NOL4: variants seen among roughly 807,000 people sequenced by gnomAD.
The protein encoded by NOL4 is nucleolar protein 4.
A neutral mutation model predicts 75.9 loss-of-function variants in NOL4; 17 were observed. The observed-to-expected ratio is 0.22, with a 90% CI of 0.15 to 0.34. NOL4 has a LOEUF of 0.34. NOL4 is among the 10% of genes least tolerant of loss of function. The probability of loss-of-function intolerance (pLI) is 1.00; values close to 1 mark genes in which losing one functional copy is unlikely to be tolerated. For missense variants in NOL4, 614 were observed against 793.5 expected (o/e 0.77, Z 2.72); for synonymous variants, 292 against 289.9 (o/e 1.01, Z -0.07).
intron 9 of NOL4, among the ~76,000 whole-genome samples, chr18:33,899,389 T>C (rs1038571135): frequency 6.6e-6 from 1 of 152,152 alleles, no homozygotes; most frequent in East Asian, 1.9e-4. Context: ...TGAAATAAAG[T>C]TGTCTACCTT....
chr18:33,900,708 A>T (rs1280519107), intron 9 of NOL4, among the ~76,000 whole-genome samples: 1 of 152,184 alleles, frequency 6.6e-6, no homozygotes, highest in Non-Finnish European at 1.5e-5. Context: ...CAGATTATCT[A>T]CTGGGGAAAA....
intron 5 of NOL4, among the ~76,000 whole-genome samples, chr18:34,024,194 A>AAAAATATATAT: frequency 7.1e-5 from 5 of 70,686 alleles, no homozygotes; most frequent in Non-Finnish European, 1.3e-4. Flanking sequence ...AAAAAAAAAA[A>AAAAATATATAT]ATATATATAT....
chr18:34,070,327 C>CT (rs767094594), intron 5 of NOL4, among the ~76,000 whole-genome samples: 4 of 152,138 alleles, frequency 2.6e-5, no homozygotes, highest in Admixed American at 6.5e-5. Flanking sequence ...CCCGCCTTGC[C>CT]TTTTTTACAC....
intron 9 of NOL4, among the ~76,000 whole-genome samples, chr18:33,939,363 T>G (rs187193523): frequency 3.2e-4 from 49 of 152,144 alleles, no homozygotes; most frequent in Non-Finnish European, 5.9e-5. Flanking sequence ...TAAATTACTT[T>G]GGGCAGTATG....
intron 9 of NOL4, among the ~76,000 whole-genome samples, chr18:33,922,559 G>C (rs1055526929): frequency 1.1e-4 from 17 of 152,188 alleles, no homozygotes; most frequent in Non-Finnish European, 1.8e-4. Flanking sequence ...GTATTACAGA[G>C]ACCTTTAGTC....
intron 6 of NOL4, 99 bp from the exon 7 acceptor site, chr18:33,958,517 T>C (rs1311544940): frequency 1.9e-6 from 2 of 1,079,276 alleles, no homozygotes; most frequent in Non-Finnish European, 2.6e-6. Context: ...AAAAATCTTG[T>C]TTATGAGTTG....
intron 9 of NOL4, among the ~76,000 whole-genome samples, chr18:33,908,936 A>C (rs1280016182): frequency 6.6e-6 from 1 of 152,142 alleles, no homozygotes; most frequent in African/African-American, 2.4e-5. Flanking sequence ...AGCCCTATAA[A>C]GTGTTCTGAT....
chr18:34,214,739 A>G (rs2036759981), intron 1 of NOL4, among the ~76,000 whole-genome samples: 1 of 152,308 alleles, frequency 6.6e-6, no homozygotes, highest in South Asian at 2.1e-4. Flanking sequence ...ACTACTCACA[A>G]TAAAAGAAGT....
intron 5 of NOL4, among the ~76,000 whole-genome samples, chr18:34,021,639 T>TG (rs149814771): frequency 0.012 from 1,777 of 152,158 alleles, 32 homozygotes; most frequent in African/African-American, 0.04. Flanking sequence ...AAATGGAAGT[T>TG]GGGGAGACCA....
At chr18:33,866,361 T>A (rs1047000510) in intron 10 of NOL4, among the ~76,000 whole-genome samples, 3 of 152,178 alleles carry the variant, frequency 2.0e-5, no homozygotes, top group Non-Finnish European at 4.4e-5. Context: ...CATTTGTGTT[T>A]TATTTCATTT....
intron 6 of NOL4, among the ~76,000 whole-genome samples, chr18:33,999,796 C>A (rs1316266413): frequency 6.6e-6 from 1 of 152,022 alleles, no homozygotes; most frequent in African/African-American, 2.4e-5. Flanking sequence ...GAACTACAGG[C>A]ATGTACCACT....
At chr18:34,169,480 A>C (rs1472106234) in intron 1 of NOL4, among the ~76,000 whole-genome samples, 2 of 151,628 alleles carry the variant, frequency 1.3e-5, no homozygotes, top group East Asian at 3.9e-4. Flanking sequence ...AAAAAAAAAA[A>C]CAGCAAGATG....
intron 9 of NOL4, among the ~76,000 whole-genome samples, chr18:33,908,189 A>G (rs189166031): frequency 1.3e-5 from 2 of 152,302 alleles, no homozygotes; most frequent in East Asian, 1.9e-4. Flanking sequence ...CTCACTACTG[A>G]CTTAAGAAAA....
At chr18:33,966,980 T>C (rs1470291514) in intron 6 of NOL4, among the ~76,000 whole-genome samples, 1 of 152,140 alleles carries the variant, frequency 6.6e-6, no homozygotes, top group East Asian at 1.9e-4. Context: ...ATAAATCTAT[T>C]CTAAAATTCA....
chr18:34,210,376 T>C (rs987555942), intron 1 of NOL4, among the ~76,000 whole-genome samples: 5 of 152,242 alleles, frequency 3.3e-5, no homozygotes, highest in Admixed American at 6.5e-5. Flanking sequence ...CTCACCCTTA[T>C]TTTGAGTCTT....
intron 1 of NOL4, among the ~76,000 whole-genome samples, chr18:34,146,440 C>A (rs951394864): frequency 6.6e-6 from 1 of 152,046 alleles, no homozygotes; most frequent in Non-Finnish European, 1.5e-5. Context: ...CAGTTTTCTG[C>A]AATGGCTAGC....
intron 2 of NOL4, among the ~76,000 whole-genome samples, chr18:34,121,861 T>C (rs1389507916): frequency 6.6e-6 from 1 of 152,130 alleles, no homozygotes; most frequent in African/African-American, 2.4e-5. Flanking sequence ...TGGGGTTTGG[T>C]GGTGCTGAAA....
chr18:33,916,884 G>A (rs1008106484), intron 9 of NOL4, among the ~76,000 whole-genome samples: 2 of 152,072 alleles, frequency 1.3e-5, no homozygotes, highest in Admixed American at 1.3e-4. Flanking sequence ...AGAAAGGATA[G>A]GGTGTTTTTA....
At chr18:33,856,176 T>C (rs968418571) in intron 10 of NOL4, among the ~76,000 whole-genome samples, 1 of 152,058 alleles carries the variant, frequency 6.6e-6, no homozygotes, top group African/African-American at 2.4e-5. Flanking sequence ...TGGATGTTTG[T>C]ATTTGTAGAA....
Sources: allele counts gnomAD v4.1 joint callset (sites outside exome capture counted in the v4.1 genomes callset), GRCh38; gene constraint gnomAD v4.1.1; transcripts MANE v1.5; gene names NCBI Gene and HGNC (gene_info 2026-07-23, HGNC 2026-07-21).